The following NOX4 variants were observed in gnomAD, a reference collection of about 807,000 sequenced individuals.
NOX4 encodes the protein kidney oxidase-1.
NOX4 carries 69 observed loss-of-function variants against 87.6 expected under a neutral mutation model. That is an observed-to-expected ratio of 0.79 (90% CI 0.65 to 0.96). The LOEUF (loss-of-function observed/expected upper bound fraction) is 0.96. Among genes scored for constraint, NOX4 ranks in the 40% least tolerant of loss-of-function variants. The pLI is 0.00. For missense variants in NOX4, 680 were observed against 681.5 expected (o/e 1.00, Z 0.02); for synonymous variants, 275 against 238.2 (o/e 1.15, Z -1.42).
At chr11:89,508,538 A>G in the NOX4 span, among the ~76,000 whole-genome samples, 4 of 152,112 alleles carry the variant, frequency 2.6e-5, no homozygotes, top group Admixed American at 6.6e-5. Flanking sequence ...AATGAGATAG[A>G]ACATAATCAT....
At chr11:89,340,510 T>C (rs1445955747) in intron 14 of NOX4, among the ~76,000 whole-genome samples, 1 of 152,162 alleles carries the variant, frequency 6.6e-6, no homozygotes, top group Non-Finnish European at 1.5e-5. Flanking sequence ...AGAATAATAT[T>C]GGGCTCTGCA....
At chr11:89,391,531 G>C (rs1413156463) in intron 11 of NOX4, among the ~76,000 whole-genome samples, 10 of 152,048 alleles carry the variant, frequency 6.6e-5, no homozygotes, top group African/African-American at 4.8e-5. Context: ...TGAGGCAGGA[G>C]TATTGTTTGA....
chr11:89,427,766 G>A (rs551163489), intron 7 of NOX4, among the ~76,000 whole-genome samples: 2 of 152,294 alleles, frequency 1.3e-5, no homozygotes, highest in South Asian at 2.1e-4. Flanking sequence ...AAGTGACGGC[G>A]AGAATGGAAC....
the NOX4 span, among the ~76,000 whole-genome samples, chr11:89,544,820 A>G: frequency 6.3e-4 from 96 of 152,156 alleles, no homozygotes; most frequent in African/African-American, 2.2e-3. Context: ...TCAAAGCCAC[A>G]TTGCCCTTAA....
Position 89,451,637 on chromosome 11 carries a change from C to T in NOX4, c.264+148G>A. 3 of 596,474 alleles carry T rather than the reference C, an allele frequency of 5.0e-6. No individual in the cohort carries two copies. The Admixed American group carries it at 7.7e-5, about 15-fold the overall frequency. 36.9% of individuals were successfully genotyped at this position (596,474 alleles called of 1,614,324 possible). ...TGGTATTGCAGAATAACTCACAGATCATCTTGGCAGGTGACATGTCTTTTA... is the reference window on the plus strand; with the variant it reads ...TGGTATTGCAGAATAACTCACAGATTATCTTGGCAGGTGACATGTCTTTTA... On this transcript the variant is annotated intron_variant, in intron 3 of 17. Transcript: ENST00000263317.
intron 12 of NOX4, among the ~76,000 whole-genome samples, chr11:89,359,516 A>G (rs899272651): frequency 4.6e-5 from 7 of 151,566 alleles, no homozygotes; most frequent in African/African-American, 1.7e-4. Context: ...ACCTCTTACC[A>G]CTACAAAAAA....
intron 11 of NOX4, among the ~76,000 whole-genome samples, chr11:89,380,737 T>C (rs1238928128): frequency 1.3e-5 from 2 of 152,160 alleles, no homozygotes; most frequent in Non-Finnish European, 2.9e-5. Flanking sequence ...GATGTTTACA[T>C]CTCAAGAAAC....
chr11:89,482,531 C>T (rs780563603), intron 2 of NOX4, among the ~76,000 whole-genome samples: 1 of 152,016 alleles, frequency 6.6e-6, no homozygotes, highest in Non-Finnish European at 1.5e-5. Context: ...AGAAAGCCCT[C>T]TATAAGTCAA....
At chr11:89,502,184 G>A (rs2135512534), upstream of NOX4, among the ~76,000 whole-genome samples, 1 of 152,108 alleles carries the variant, frequency 6.6e-6, no homozygotes, top group African/African-American at 2.4e-5. Flanking sequence ...GTTGTTAGAA[G>A]GGCAAACTGA....
chr11:89,482,367 C>T (rs1946425975), intron 2 of NOX4, among the ~76,000 whole-genome samples: 1 of 152,176 alleles, frequency 6.6e-6, no homozygotes, highest in Admixed American at 6.6e-5. Flanking sequence ...GAATTTAACT[C>T]ACAATGTAAC....
At chr11:89,539,720 G>A in the NOX4 span, among the ~76,000 whole-genome samples, 2 of 152,222 alleles carry the variant, frequency 1.3e-5, no homozygotes, top group East Asian at 3.9e-4. Context: ...ACAGGAAATA[G>A]AGGCTGATAG....
chr11:89,489,347 A>AC lies in NOX4; in HGVS notation c.153+1110dup, dbSNP rs113453909. ...AAAAGCAAAATGTGTTTTTTTCTGC[A>AC]CCCCCCCACTCACCAAAATGCAAAA... On this transcript the variant is annotated intron_variant, in intron 2 of 17. Transcript: ENST00000263317. 2.1e-3 allele frequency among the ~76,000 whole-genome samples: 321 copies of AC among 151,898 alleles called. 3 individuals are homozygous for AC. The highest frequency in any genetic ancestry group is 7.2e-3 in the African/African-American group (299 of 41,436).
At chr11:89,355,066 C>T in intron 12 of NOX4, 23 bp from the exon 13 acceptor site, 3 of 1,505,492 alleles carry the variant, frequency 2.0e-6, no homozygotes, top group Non-Finnish European at 2.8e-6. Context: ...AAATAAACAT[C>T]AAGCTGTGAA....
chr11:89,332,581 C>A (rs988530534), intron 17 of NOX4, among the ~76,000 whole-genome samples: 4 of 151,922 alleles, frequency 2.6e-5, no homozygotes, highest in Admixed American at 2.0e-4. Context: ...TTTAGTGTTA[C>A]AGTTAACATT....
intron 8 of NOX4, among the ~76,000 whole-genome samples, chr11:89,415,366 T>A (rs1215131195): frequency 2.6e-5 from 4 of 152,122 alleles, no homozygotes; most frequent in African/African-American, 9.6e-5. Flanking sequence ...GTGGCTTTTA[T>A]TTTTCCCACA....
intron 8 of NOX4, 76 bp downstream of exon 8, chr11:89,421,826 A>T: frequency 1.2e-6 from 1 of 821,322 alleles, no homozygotes; most frequent in South Asian, 1.7e-5. Context: ...CTCCTATGAA[A>T]TTTCCTATAG....
intron 11 of NOX4, among the ~76,000 whole-genome samples, chr11:89,376,020 T>A (rs1196099889): frequency 6.6e-6 from 1 of 152,270 alleles, no homozygotes; most frequent in Non-Finnish European, 1.5e-5. Context: ...AAGCAGATAC[T>A]GTAAAAGGTA....
At chr11:89,428,723 TA>T (rs1404175961) in intron 7 of NOX4, among the ~76,000 whole-genome samples, 1 of 152,118 alleles carries the variant, frequency 6.6e-6, no homozygotes, top group African/African-American at 2.4e-5. Flanking sequence ...AGCAAGTCCT[TA>T]GAGACCTACA....
the NOX4 span, among the ~76,000 whole-genome samples, chr11:89,540,710 C>T: frequency 1.4e-5 from 2 of 140,968 alleles, no homozygotes; most frequent in East Asian, 2.2e-4. Flanking sequence ...ATGGTGTGAA[C>T]GCGGGAGGCG....
Sources: allele counts gnomAD v4.1 joint callset (sites outside exome capture counted in the v4.1 genomes callset), GRCh38; gene constraint gnomAD v4.1.1; transcripts MANE v1.5; gene names NCBI Gene and HGNC (gene_info 2026-07-23, HGNC 2026-07-21).